Variants in NXN observed in about 807,000 individuals in gnomAD.
NXN encodes nucleoredoxin 1.
In NXN, 16 loss-of-function variants were observed where a neutral mutation model predicts 48.6. The ratio of observed to expected loss-of-function variants is 0.33; its 90% CI spans 0.22 to 0.50. NXN has a LOEUF of 0.50. Ranked by LOEUF, NXN falls within the 20% of genes least tolerant of loss-of-function variation. The pLI is 0.98. For missense variants in NXN, 492 were observed against 605.5 expected, an observed-to-expected ratio of 0.81 and a Z score of 1.97; for synonymous variants, 281 against 269.6, an observed-to-expected ratio of 1.04 and a Z score of -0.41.
chr17:912,621 T>C (rs773833018), intron 1 of NXN, among the ~76,000 whole-genome samples: 13 of 152,054 alleles, frequency 8.5e-5, no homozygotes, highest in Non-Finnish European at 1.8e-4. Context: ...TTTACCCAAA[T>C]TGATTTTAAA....
intron 1 of NXN, among the ~76,000 whole-genome samples, chr17:938,110 C>G (rs2068929515): frequency 6.6e-6 from 1 of 152,230 alleles, no homozygotes; most frequent in Non-Finnish European, 1.5e-5. Flanking sequence ...GCAGCAAATA[C>G]ACAGAGGTTA....
At chr17:907,813 G>A (rs2068595663) in intron 1 of NXN, 1 of 152,096 alleles carries the variant, frequency 6.6e-6, no homozygotes, top group South Asian at 2.1e-4. Flanking sequence ...TATAATGGAT[G>A]GCAGAAAACA....
At chr17:904,346 G>T (rs572268150) in intron 1 of NXN, among the ~76,000 whole-genome samples, 1 of 152,126 alleles carries the variant, frequency 6.6e-6, no homozygotes, top group Non-Finnish European at 1.5e-5. Context: ...ATGGTGCCCC[G>T]TGGCCACGAA....
intron 1 of NXN, among the ~76,000 whole-genome samples, chr17:869,140 A>G (rs1294700875): frequency 1.3e-5 from 2 of 152,118 alleles, no homozygotes; most frequent in Non-Finnish European, 2.9e-5. Context: ...CACTGACCAG[A>G]CAGTTCCTTC....
intron 5 of NXN, among the ~76,000 whole-genome samples, chr17:817,380 C>G (rs1912526913): frequency 2.0e-5 from 3 of 152,136 alleles, no homozygotes; most frequent in African/African-American, 7.2e-5. Context: ...GGTCAAAGAG[C>G]CTAATGAGGC....
chr17:919,903 C>T lies in NXN; in HGVS notation c.360+59416G>A, dbSNP rs2068728016. Among the ~76,000 whole-genome samples the T allele has an allele frequency of 6.6e-6, 1 of 152,042 alleles. No individual in the cohort carries two copies. Among genetic ancestry groups the T allele is most frequent in the African/African-American group, 2.4e-5 (1 of 41,388 alleles). ...CCTTGCAGACTGGTATTCACTAACCCCCAGGCCATGGCGGAAAATGTACCT... is the reference window on the plus strand; with the variant it reads ...CCTTGCAGACTGGTATTCACTAACCTCCAGGCCATGGCGGAAAATGTACCT... On this transcript the variant is annotated intron_variant, in intron 1 of 7. Transcript: ENST00000336868. The surrounding 1 kb of genome is among the most constrained non-coding windows in gnomAD (Gnocchi z 5.1).
intron 1 of NXN, among the ~76,000 whole-genome samples, chr17:856,218 TCCTTG>T (rs1299737732): frequency 6.6e-6 from 1 of 151,448 alleles, no homozygotes; most frequent in African/African-American, 2.4e-5. Flanking sequence ...GTCTGATCTC[TCCTTG>T]CATTTGCCAA....
rs1271787025 is a variant in NXN, at chr17:944,775, C to A, written c.360+34544G>T. Among the ~76,000 whole-genome samples the A allele has an allele frequency of 2.0e-5, 3 of 151,980 alleles. No individual in the cohort carries two copies. In the South Asian group the frequency reaches 6.2e-4, roughly 32 times the overall value. On this transcript the variant is annotated intron_variant, in intron 1 of 7. Transcript: ENST00000336868. ...TATCCCTCACTCTTGGAAATTAAAC[C>A]GGTAGAAAAATCCAGAAAAACTTGG...
intron 1 of NXN, among the ~76,000 whole-genome samples, chr17:926,148 C>T (rs987003856): frequency 6.6e-6 from 1 of 152,184 alleles, no homozygotes. Flanking sequence ...GTTAGATCCG[C>T]ACATTCTCAG....
At chr17:812,744 G>A (rs979706090) in intron 5 of NXN, among the ~76,000 whole-genome samples, 1 of 116,552 alleles carries the variant, frequency 8.6e-6, no homozygotes, top group Non-Finnish European at 1.8e-5. Flanking sequence ...TAGGGTGCGT[G>A]AGTGAGAGTG....
At chr17:833,226 G>C (rs1354303546) in intron 1 of NXN, among the ~76,000 whole-genome samples, 1 of 152,228 alleles carries the variant, frequency 6.6e-6, no homozygotes, top group African/African-American at 2.4e-5. Flanking sequence ...AGCCATCGTG[G>C]TCTAATTTAT....
At chr17:957,488 T>C (rs1282507049) in intron 1 of NXN, among the ~76,000 whole-genome samples, 2 of 151,982 alleles carry the variant, frequency 1.3e-5, no homozygotes, top group Non-Finnish European at 2.9e-5. Context: ...AAAAATTACC[T>C]GAGCGTGGTG....
intron 1 of NXN, among the ~76,000 whole-genome samples, chr17:902,614 T>A (rs2068547468): frequency 6.6e-6 from 1 of 151,990 alleles, no homozygotes; most frequent in South Asian, 2.1e-4. Context: ...CCTCCAAACC[T>A]GTTTACGAAG....
At chr17:959,920 C>G (rs1189107406) in intron 1 of NXN, among the ~76,000 whole-genome samples, 2 of 152,070 alleles carry the variant, frequency 1.3e-5, no homozygotes, top group Admixed American at 1.3e-4. Context: ...CAATGAAACC[C>G]TGTCTCTACT....
intron 4 of NXN, 102 bp downstream of exon 4, chr17:822,255 G>A (rs962540273): frequency 1.0e-5 from 8 of 796,458 alleles, no homozygotes. Context: ...CTCCAGCCTG[G>A]GAGACAAGAG....
Position 849,711 on chromosome 17 carries a change from G to T in NXN, c.361-23633C>A, listed in dbSNP as rs1267888859. Among the ~76,000 whole-genome samples, 3 of 152,172 alleles carry T rather than the reference G, an allele frequency of 2.0e-5. No homozygotes were observed. The highest frequency in any genetic ancestry group is 4.8e-5 in the African/African-American group (2 of 41,444). The stretch of plus-strand genomic sequence containing the variant: ...AATCATCATTTCCTAAACGTGGCAG[G>T]ATGCAGAGCAGGTAGAGGAGTGCTG... On this transcript the variant is annotated intron_variant, in intron 1 of 7. Coordinates refer to ENST00000336868, the MANE Select transcript of NXN (RefSeq NM_022463.5). The surrounding 1 kb of genome is among the most constrained non-coding windows in gnomAD (Gnocchi z 4.2).
chr17:946,583 C>T (rs191920803), intron 1 of NXN, among the ~76,000 whole-genome samples: 1 of 152,326 alleles, frequency 6.6e-6, no homozygotes, highest in East Asian at 1.9e-4. Context: ...TGCCCACTAA[C>T]GCCCTGGCTG....
chr17:843,223 G>A (rs992843248), intron 1 of NXN, among the ~76,000 whole-genome samples: 17 of 152,214 alleles, frequency 1.1e-4, no homozygotes, highest in African/African-American at 3.4e-4. Flanking sequence ...ACGCCCGTTG[G>A]CTGCTGGCGT....
At chr17:824,768 C>T (rs535413363) in intron 2 of NXN, among the ~76,000 whole-genome samples, 99 of 152,302 alleles carry the variant, frequency 6.5e-4, no homozygotes, top group Non-Finnish European at 1.3e-3. Context: ...GTTGAGAATA[C>T]GCTTCCCGCT....
Sources: gnomAD v4.1 joint callset for allele counts (sites outside exome capture counted in the v4.1 genomes callset) on GRCh38, gnomAD v4.1.1 for gene constraint, Gnocchi (gnomAD v3.1) non-coding constraint, MANE v1.5 for transcripts, NCBI Gene and HGNC (gene_info 2026-07-23, HGNC 2026-07-21) for gene names.